The following MEF2C variants were observed in gnomAD, a reference collection of about 807,000 sequenced individuals.
MEF2C encodes the protein myocyte enhancer factor 2C, also known as myocyte-specific enhancer factor 2C.
A neutral mutation model predicts 50.5 loss-of-function variants in MEF2C; 6 were observed. The ratio of observed to expected loss-of-function variants is 0.12; its 90% confidence interval spans 0.07 to 0.23. MEF2C has a LOEUF of 0.23. MEF2C is among the 10% of genes least tolerant of loss of function. The probability of loss-of-function intolerance (pLI) is 1.00; values close to 1 mark genes in which losing one functional copy is unlikely to be tolerated. For synonymous variants in MEF2C, 183 were observed against 228.0 expected (o/e 0.80, Z 1.78); for missense variants, 276 against 605.0 (o/e 0.46, Z 5.70).
intron 2 of MEF2C, among the ~76,000 whole-genome samples, chr5:88,816,998 A>T (rs1170560662): frequency 6.6e-6 from 1 of 151,902 alleles, no homozygotes; most frequent in Non-Finnish European, 1.5e-5. Flanking sequence ...TTAAAGAAAA[A>T]CTCACAAGTC....
chr5:88,791,588 T>A (rs889035402), intron 3 of MEF2C, among the ~76,000 whole-genome samples: 1 of 152,236 alleles, frequency 6.6e-6, no homozygotes, highest in African/African-American at 2.4e-5. Context: ...ATAAATGAGA[T>A]GTGAAGCAGC....
Position 88,807,923 on chromosome 5 carries a change from C to T in MEF2C, c.55-3122G>A, listed in dbSNP as rs186322910. On this transcript the variant is annotated intron_variant, in intron 2 of 10. Transcript: ENST00000504921. ...TTACATTTCAACTTGGATAATTCTT[C>T]TTTCTTGTAATTGTCAGTGTTTTTC... 4.2e-3 allele frequency among the ~76,000 whole-genome samples: 637 copies of T among 152,262 alleles called. 1 individual carries two copies. Among genetic ancestry groups the T allele is most frequent in the Non-Finnish European group, 5.6e-3 (380 of 67,982 alleles).
intron 2 of MEF2C, among the ~76,000 whole-genome samples, chr5:88,811,721 C>T (rs1301987271): frequency 6.6e-6 from 1 of 151,932 alleles, no homozygotes; most frequent in African/African-American, 2.4e-5. Context: ...TTTGAGTAGA[C>T]AACATTAAAT....
chr5:88,863,171 T>C (rs1046046534), intron 1 of MEF2C, among the ~76,000 whole-genome samples: 1 of 152,236 alleles, frequency 6.6e-6, no homozygotes, highest in Non-Finnish European at 1.5e-5. Context: ...ATTCTATCAA[T>C]TAAGCGTTTA....
At chr5:88,892,655 C>T (rs540410590) in intron 1 of MEF2C, among the ~76,000 whole-genome samples, 2 of 152,218 alleles carry the variant, frequency 1.3e-5, no homozygotes, top group East Asian at 3.9e-4. Context: ...GACATCATGC[C>T]TCTAGGATAT....
chr5:88,787,207 A>G (rs1791364975), intron 3 of MEF2C, among the ~76,000 whole-genome samples: 1 of 152,248 alleles, frequency 6.6e-6, no homozygotes, highest in African/African-American at 2.4e-5. Flanking sequence ...AGTTATTTAT[A>G]TAATCATTCA....
chr5:88,862,016 C>A (rs1581695348), intron 1 of MEF2C, among the ~76,000 whole-genome samples: 1 of 152,140 alleles, frequency 6.6e-6, no homozygotes, highest in Non-Finnish European at 1.5e-5. Flanking sequence ...AGCAGTGCAA[C>A]CCAGTTCTTC....
chr5:88,853,431 C>G (rs1425407284), intron 1 of MEF2C, among the ~76,000 whole-genome samples: 1 of 152,060 alleles, frequency 6.6e-6, no homozygotes, highest in African/African-American at 2.4e-5. Context: ...TCCATAATGC[C>G]TAGACATTTA....
intron 1 of MEF2C, among the ~76,000 whole-genome samples, chr5:88,872,554 C>T (rs1192265024): frequency 1.3e-5 from 2 of 151,910 alleles, no homozygotes; most frequent in Non-Finnish European, 2.9e-5. Flanking sequence ...ATTTTAATAA[C>T]CATCCCACCA....
chr5:88,798,760 T>G (rs1271029673), intron 3 of MEF2C, among the ~76,000 whole-genome samples: 1 of 152,182 alleles, frequency 6.6e-6, no homozygotes, highest in Non-Finnish European at 1.5e-5. Context: ...GCACTGGTTT[T>G]TCCTCATCTT....
Position 88,883,078 on chromosome 5 carries a change from T to A in MEF2C, c.-266A>T, listed in dbSNP as rs1833460081. 6.6e-6 allele frequency: 1 copy of A among 152,378 alleles called. No individual in the cohort carries two copies. Among genetic ancestry groups the A allele is most frequent in the African/African-American group, 2.4e-5 (1 of 41,358 alleles). 9.4% of individuals were successfully genotyped at this position (152,378 alleles called of 1,614,324 possible). A position where few individuals can be genotyped will look rare whatever the true frequency, so the allele number is the denominator to read the frequency against. On this transcript the variant is annotated 5_prime_UTR_variant, in exon 1 of 11. Transcript: ENST00000504921. ...TCCAGCGTTGAAGTGCTTCTCCACC[T>A]GATTCAAACATGCAGCCACGGCGAC...
At chr5:88,837,466 A>C (rs548683156) in intron 1 of MEF2C, among the ~76,000 whole-genome samples, 3 of 152,334 alleles carry the variant, frequency 2.0e-5, no homozygotes, top group Admixed American at 1.3e-4. Context: ...CAGTGGAAAG[A>C]AAGCTCCATT....
In MEF2C at chr5:88,860,136, T is replaced by C. The variant is rs1224100789; in HGVS notation, c.-143+22819A>G. On this transcript the variant is annotated intron_variant, in intron 1 of 10. Transcript: ENST00000504921. ...TTTCACAGGTAGGAAAGGACAACAG[T>C]TTCTTTTACATAATGGCAATATGTT... Among the ~76,000 whole-genome samples the C allele has an allele frequency of 3.3e-5, 5 of 152,194 alleles. No individual in the cohort carries two copies. The South Asian group carries it at 6.2e-4, about 19-fold the overall frequency.
At chr5:88,879,254 G>T (rs1180733769) in intron 1 of MEF2C, among the ~76,000 whole-genome samples, 1 of 151,772 alleles carries the variant, frequency 6.6e-6, no homozygotes, top group Non-Finnish European at 1.5e-5. Flanking sequence ...AAAGTTGGGT[G>T]TGTAAGAAGT....
chr5:88,765,626 T>C (rs1033939071), intron 3 of MEF2C, among the ~76,000 whole-genome samples: 3 of 152,244 alleles, frequency 2.0e-5, no homozygotes, highest in African/African-American at 7.2e-5. Context: ...AAATCTCTGC[T>C]GTTGGCCTTT....
At chr5:88,740,957 G>A (rs1367176676) in intron 6 of MEF2C, 2 of 985,270 alleles carry the variant, frequency 2.0e-6, no homozygotes, top group Non-Finnish European at 2.4e-6. Context: ...AAATTAGAGA[G>A]AGCATGACAG....
chr5:88,766,472 T>G (rs770641189), intron 3 of MEF2C, among the ~76,000 whole-genome samples: 3 of 152,218 alleles, frequency 2.0e-5, no homozygotes, highest in African/African-American at 7.2e-5. Context: ...TTATTGACCT[T>G]TTTCGATTAT....
chr5:88,895,819 G>A (rs1195997281), intron 1 of MEF2C, among the ~76,000 whole-genome samples: 1 of 152,056 alleles, frequency 6.6e-6, no homozygotes, highest in Non-Finnish European at 1.5e-5. Flanking sequence ...TTATGTCCGC[G>A]GAATTCTTTC....
intron 1 of MEF2C, among the ~76,000 whole-genome samples, chr5:88,836,481 A>C (rs1815143299): frequency 6.6e-6 from 1 of 151,998 alleles, no homozygotes; most frequent in African/African-American, 2.4e-5. Context: ...ACCTTTCTTT[A>C]TCTCTTTTTC....
Sources: gnomAD v4.1 joint callset for allele counts (sites outside exome capture counted in the v4.1 genomes callset) on GRCh38, gnomAD v4.1.1 for gene constraint, MANE v1.5 for transcripts, NCBI Gene and HGNC (gene_info 2026-07-23, HGNC 2026-07-21) for gene names.